CAPZB: variants seen among roughly 807,000 people sequenced by gnomAD.
CAPZB encodes the protein F-actin-capping protein subunit beta.
CAPZB carries 2 observed loss-of-function variants against 38.1 expected under a neutral mutation model. The ratio of observed to expected loss-of-function variants is 0.05; its 90% CI spans 0.02 to 0.17. The LOEUF (loss-of-function observed/expected upper bound fraction) is 0.17, where lower values mean the gene tolerates loss of function less well. CAPZB is among the 10% of genes least tolerant of loss of function. The pLI, the probability that CAPZB is intolerant of heterozygous loss-of-function variation, is 1.00. For missense variants in CAPZB, 161 were observed against 334.2 expected (o/e 0.48, Z 4.04); for synonymous variants, 107 against 127.4 (o/e 0.84, Z 1.08).
intron 2 of CAPZB, among the ~76,000 whole-genome samples, chr1:19,406,402 C>T (rs771737981): frequency 1.1e-4 from 17 of 152,192 alleles, no homozygotes; most frequent in Non-Finnish European, 2.2e-4. Context: ...CCTTTAACCA[C>T]AGGAGGCCAG....
intron 1 of CAPZB, chr1:19,484,350 T>C (rs1475081612): frequency 6.4e-7 from 1 of 1,562,004 alleles, no homozygotes; most frequent in African/African-American, 1.4e-5. Flanking sequence ...AGGGCGATTG[T>C]GCGTTCATCC....
intron 1 of CAPZB, among the ~76,000 whole-genome samples, chr1:19,432,970 C>T (rs550912982): frequency 6.6e-6 from 1 of 152,304 alleles, no homozygotes; most frequent in South Asian, 2.1e-4. Context: ...AGACGGTATT[C>T]TCACAAACAC....
chr1:19,438,585 G>A (rs59570817), intron 1 of CAPZB, among the ~76,000 whole-genome samples: 2,053 of 152,284 alleles, frequency 0.013, 51 homozygotes, highest in African/African-American at 0.047. Flanking sequence ...GAGGCTTCCC[G>A]CCACTCAGAG....
chr1:19,441,405 C>T (rs758855568), intron 1 of CAPZB, among the ~76,000 whole-genome samples: 39 of 152,282 alleles, frequency 2.6e-4, no homozygotes, highest in Non-Finnish European at 4.6e-4. Flanking sequence ...TTGCCCAGCC[C>T]AGCACAGGGA....
At chr1:19,390,402 A>G (rs933036278) in intron 2 of CAPZB, among the ~76,000 whole-genome samples, 3 of 152,276 alleles carry the variant, frequency 2.0e-5, no homozygotes, top group Non-Finnish European at 1.5e-5. Flanking sequence ...TAAACCACCC[A>G]TCTGAACTGC....
intron 1 of CAPZB, among the ~76,000 whole-genome samples, chr1:19,469,743 C>CACAT (rs1553294639): frequency 1.6e-4 from 14 of 87,452 alleles, no homozygotes; most frequent in Non-Finnish European, 2.2e-4. Context: ...GAAAAGAATA[C>CACAT]ACACACACAC....
chr1:19,448,347 G>C (rs755470234), intron 1 of CAPZB, among the ~76,000 whole-genome samples: 30 of 152,316 alleles, frequency 2.0e-4, no homozygotes, highest in Middle Eastern at 3.4e-3. Flanking sequence ...CCTTTCGGGA[G>C]AGCATTTGAT....
intron 8 of CAPZB, 106 bp from the exon 9 acceptor site, chr1:19,339,723 C>T (rs1305266681): frequency 3.5e-6 from 3 of 867,828 alleles, no homozygotes; most frequent in South Asian, 2.7e-5. Flanking sequence ...TGCATGGACC[C>T]GCTTCCTGGG....
intron 1 of CAPZB, among the ~76,000 whole-genome samples, chr1:19,480,462 G>A (rs1233304020): frequency 6.6e-6 from 1 of 152,234 alleles, no homozygotes; most frequent in Non-Finnish European, 1.5e-5. Flanking sequence ...ACCATGTTCT[G>A]TGGAGCAGGC....
At chr1:19,464,787 A>G (rs1275583694) in intron 1 of CAPZB, among the ~76,000 whole-genome samples, 3 of 152,338 alleles carry the variant, frequency 2.0e-5, no homozygotes, top group African/African-American at 7.2e-5. Flanking sequence ...GTCAAACACA[A>G]AAGACTCCAT....
chr1:19,391,840 TG>T (rs2094237505), intron 2 of CAPZB, among the ~76,000 whole-genome samples: 2 of 152,146 alleles, frequency 1.3e-5, no homozygotes, highest in African/African-American at 2.4e-5. Flanking sequence ...GAGATGGACA[TG>T]GGCGGCCCTG....
chr1:19,344,311 C>T (rs189200518), intron 8 of CAPZB, 47 bp downstream of exon 8: 293 of 1,511,552 alleles, frequency 1.9e-4, no homozygotes, highest in Non-Finnish European at 2.2e-4. Context: ...AGCCAGGGTT[C>T]AAATCCCTCT....
At position 19,338,814 on chromosome 1, in the gene CAPZB, T is replaced by G. The variant is rs1211786571; in HGVS notation, c.*716A>C. Reference sequence around the variant, plus strand: ...TTTCTTTTTATTGATTTCTTTTCTTTTCTTTTTTTAAGTATGGAGGCTCAA... The same window carrying G: ...TTTCTTTTTATTGATTTCTTTTCTTGTCTTTTTTTAAGTATGGAGGCTCAA... On this transcript the variant is annotated 3_prime_UTR_variant, in exon 9 of 9. Transcript: ENST00000264202. 1 of 152,550 alleles carries G rather than the reference T, an allele frequency of 6.6e-6. No individual in the cohort carries two copies. Among genetic ancestry groups the G allele is most frequent in the Non-Finnish European group, 1.5e-5 (1 of 68,062 alleles). 9.4% of individuals were successfully genotyped at this position (152,550 alleles called of 1,614,324 possible). A position where few individuals can be genotyped will look rare whatever the true frequency, so the allele number is the denominator to read the frequency against.
chr1:19,476,811 C>G (rs1402707935), intron 1 of CAPZB, among the ~76,000 whole-genome samples: 3 of 152,210 alleles, frequency 2.0e-5, no homozygotes, highest in African/African-American at 7.2e-5. Context: ...TAAACAAAAC[C>G]CAGACCTCTT....
intron 1 of CAPZB, among the ~76,000 whole-genome samples, chr1:19,438,667 G>A (rs1423872745): frequency 6.6e-6 from 1 of 152,198 alleles, no homozygotes; most frequent in East Asian, 1.9e-4. Context: ...GGCCAGGTCT[G>A]CTCCGCCTCA....
chr1:19,433,745 A>C (rs961941622), intron 1 of CAPZB, among the ~76,000 whole-genome samples: 3 of 152,202 alleles, frequency 2.0e-5, no homozygotes, highest in African/African-American at 7.2e-5. Flanking sequence ...TGATCCAACA[A>C]ACCACTTGGG....
chr1:19,466,196 C>T (rs1309715263), intron 1 of CAPZB, among the ~76,000 whole-genome samples: 1 of 152,156 alleles, frequency 6.6e-6, no homozygotes, highest in African/African-American at 2.4e-5. Flanking sequence ...TCCTGGCCTA[C>T]TCCACCAGCT....
chr1:19,431,071 T>C (rs1402033274), intron 1 of CAPZB, among the ~76,000 whole-genome samples: 4 of 152,140 alleles, frequency 2.6e-5, no homozygotes, highest in African/African-American at 9.7e-5. Flanking sequence ...GGTGGAAAAT[T>C]GAGGCCTGGA....
intron 6 of CAPZB, among the ~76,000 whole-genome samples, chr1:19,349,389 C>CG (rs1223795750): frequency 6.6e-6 from 1 of 152,070 alleles, no homozygotes; most frequent in African/African-American, 2.4e-5. Context: ...TCCTCCTCCC[C>CG]GGCTCCATGT....
Sources: allele counts gnomAD v4.1 joint callset (sites outside exome capture counted in the v4.1 genomes callset), GRCh38; gene constraint gnomAD v4.1.1; transcripts MANE v1.5; gene names NCBI Gene and HGNC (gene_info 2026-07-23, HGNC 2026-07-21).